The following PRKRA variants were observed in gnomAD, a reference collection of about 807,000 sequenced individuals.
PRKRA encodes protein activator of interferon induced protein kinase EIF2AK2, also known as interferon-inducible double-stranded RNA-dependent protein kinase activator A.
PRKRA carries 22 observed loss-of-function variants against 32.4 expected under a neutral mutation model. The ratio of observed to expected loss-of-function variants is 0.68; its 90% CI spans 0.49 to 0.97. PRKRA has a LOEUF of 0.97. Among genes scored for constraint, PRKRA ranks in the 50% least tolerant of loss-of-function variants. The probability of loss-of-function intolerance (pLI) is 0.00; values close to 1 mark genes in which losing one functional copy is unlikely to be tolerated. For missense variants in PRKRA, 319 were observed against 375.6 expected (o/e 0.85, Z 1.25); for synonymous variants, 139 against 129.8 (o/e 1.07, Z -0.48).
intron 7 of PRKRA, among the ~76,000 whole-genome samples, 196 bp downstream of exon 7, chr2:178,435,949 T>C (rs896266244): frequency 1.3e-5 from 2 of 152,248 alleles, no homozygotes; most frequent in East Asian, 3.8e-4. Context: ...GTATAGATGT[T>C]AGCTATTATT....
chr2:178,436,681 A>G (rs2154124784), intron 6 of PRKRA, among the ~76,000 whole-genome samples: 1 of 152,308 alleles, frequency 6.6e-6, no homozygotes, highest in South Asian at 2.1e-4. Context: ...CAATTTGCAG[A>G]TTAAAATATA....
intron 2 of PRKRA, among the ~76,000 whole-genome samples, chr2:178,449,357 TAA>T (rs890651653): frequency 1.3e-5 from 2 of 152,184 alleles, no homozygotes; most frequent in Non-Finnish European, 2.9e-5. Flanking sequence ...TCAATTAAAA[TAA>T]AAGACTCCAA....
chr2:178,446,230 G>T (rs530168025), intron 3 of PRKRA, among the ~76,000 whole-genome samples: 2 of 152,088 alleles, frequency 1.3e-5, no homozygotes, highest in African/African-American at 4.8e-5. Flanking sequence ...GGCCAGGCTG[G>T]TCTTGAACTC....
chr2:178,451,100 T>C lies in PRKRA; in HGVS notation c.-70A>G. 2.7e-6 allele frequency: 4 copies of C among 1,501,358 alleles called. No individual in the cohort carries two copies. Among genetic ancestry groups the C allele is most frequent in the Non-Finnish European group, 3.6e-6 (4 of 1,123,084 alleles). The allele number at this position is 1,501,358 out of a possible 1,614,324, so 93.0% of individuals were successfully genotyped here. ...GCGACGTGCTCGCTCCCCGGGTCGC[T>C]GGTCCCCGGGAGGAGCTCCAGCGCC... On this transcript the variant is annotated 5_prime_UTR_variant, in exon 1 of 8. Transcript: ENST00000325748.
chr2:178,443,540 G>C, intron 4 of PRKRA, 156 bp from the exon 5 acceptor site: 1 of 603,200 alleles, frequency 1.7e-6, no homozygotes. Context: ...ATTTCTCAAA[G>C]ACATTCCCGC....
chr2:178,437,273 A>C (rs1050426624), intron 6 of PRKRA, among the ~76,000 whole-genome samples: 7 of 152,228 alleles, frequency 4.6e-5, no homozygotes, highest in Non-Finnish European at 8.8e-5. Context: ...TATATAATGA[A>C]GAGTACAGTC....
At chr2:178,432,774 T>A (rs946378592) in intron 7 of PRKRA, among the ~76,000 whole-genome samples, 7 of 152,158 alleles carry the variant, frequency 4.6e-5, no homozygotes, top group East Asian at 1.9e-4. Flanking sequence ...TAAAAAAAAA[T>A]GTTTAATTGA....
intron 6 of PRKRA, among the ~76,000 whole-genome samples, chr2:178,437,546 C>T (rs1352344798): frequency 2.0e-5 from 3 of 152,204 alleles, no homozygotes; most frequent in Non-Finnish European, 4.4e-5. Flanking sequence ...AATAAACACT[C>T]TTTTGCACTT....
At chr2:178,441,334 T>C (rs1697107590) in intron 6 of PRKRA, among the ~76,000 whole-genome samples, 1 of 152,188 alleles carries the variant, frequency 6.6e-6, no homozygotes, top group Non-Finnish European at 1.5e-5. Context: ...CGCTGTCACT[T>C]TGAAGGCAAA....
At chr2:178,433,589 T>A (rs1167333108) in intron 7 of PRKRA, 2 of 152,254 alleles carry the variant, frequency 1.3e-5, no homozygotes, top group Non-Finnish European at 2.9e-5. Flanking sequence ...TTTGATTGCA[T>A]TCTCTATTGA....
At position 178,451,053 on chromosome 2, in the gene PRKRA, G is replaced by A; in HGVS notation, c.-23C>T. ...CATGGCGAGAAGGGACGGCTCAGCGGCTGGAGGAAGAGCGGTGCGGAGCGA... is the reference window on the plus strand; with the variant it reads ...CATGGCGAGAAGGGACGGCTCAGCGACTGGAGGAAGAGCGGTGCGGAGCGA... On this transcript the variant is annotated 5_prime_UTR_variant, in exon 1 of 8. Transcript: ENST00000325748. The A allele has an allele frequency of 6.4e-7, 1 of 1,553,812 alleles. No homozygotes were observed. The highest frequency in any genetic ancestry group is 8.7e-7 in the Non-Finnish European group (1 of 1,155,002).
At chr2:178,438,056 C>G (rs1696971587) in intron 6 of PRKRA, among the ~76,000 whole-genome samples, 1 of 152,052 alleles carries the variant, frequency 6.6e-6, no homozygotes, top group South Asian at 2.1e-4. Context: ...CTTTATAGTT[C>G]TATGTTGAAA....
intron 2 of PRKRA, among the ~76,000 whole-genome samples, chr2:178,447,968 G>A (rs188360043): frequency 6.6e-6 from 1 of 152,266 alleles, no homozygotes; most frequent in East Asian, 1.9e-4. Context: ...TTCCTGGAGG[G>A]GAAATTCTTC....
In PRKRA at chr2:178,441,633, A is replaced by G. The variant is rs761806689; in HGVS notation, c.586T>C (p.Ser196Pro). Residue 196 changes from serine (S) to proline (P), a missense_variant, in exon 6 of 8, where the codon TCT (serine) becomes CCT (proline). Transcript: ENST00000325748. ...EKFLAKFSNISPENHISLTNV... is the reference protein window; with the variant it reads ...EKFLAKFSNIPPENHISLTNV... ...ACTAAAGAAATGTGGTTCTCTGGAG[A>G]AATATTACTAAATTTGGCAAGAAAT... 2 of 1,606,206 alleles carry G rather than the reference A, an allele frequency of 1.2e-6. No homozygotes were observed. The highest frequency in any genetic ancestry group is 1.7e-6 in the Non-Finnish European group (2 of 1,172,992).
intron 5 of PRKRA, 143 bp from the exon 6 acceptor site, chr2:178,441,847 C>CT: frequency 1.5e-6 from 1 of 666,418 alleles, no homozygotes. Flanking sequence ...GACCTGATAA[C>CT]TTTGTTTGTT....
At chr2:178,438,081 CTTT>C (rs1377562503) in intron 6 of PRKRA, among the ~76,000 whole-genome samples, 1 of 152,088 alleles carries the variant, frequency 6.6e-6, no homozygotes, top group Non-Finnish European at 1.5e-5. Flanking sequence ...TTTCTTCCCA[CTTT>C]TTTATTGTCT....
At chr2:178,435,298 G>A (rs1181483035) in intron 7 of PRKRA, among the ~76,000 whole-genome samples, 2 of 148,406 alleles carry the variant, frequency 1.3e-5, no homozygotes, top group Middle Eastern at 3.5e-3. Context: ...CAGGAGGATC[G>A]CTTGAACCCA....
At chr2:178,450,542 C>A in intron 1 of PRKRA, 131 bp from the exon 2 acceptor site, 2 of 1,558,224 alleles carry the variant, frequency 1.3e-6, no homozygotes, top group Non-Finnish European at 1.7e-6. Context: ...AGGGCCAGAG[C>A]TGGCGAGGCT....
intron 6 of PRKRA, among the ~76,000 whole-genome samples, chr2:178,436,792 A>C (rs1461915363): frequency 3.3e-5 from 5 of 152,212 alleles, no homozygotes; most frequent in African/African-American, 4.8e-5. Context: ...ACTAAAAAAA[A>C]CATGAAATGT....
Sources: gnomAD v4.1 joint callset for allele counts (sites outside exome capture counted in the v4.1 genomes callset) on GRCh38, gnomAD v4.1.1 for gene constraint, MANE v1.5 for transcripts, NCBI Gene and HGNC (gene_info 2026-07-23, HGNC 2026-07-21) for gene names.